The following SLC24A3 variants were observed in gnomAD, a reference collection of about 807,000 sequenced individuals.
SLC24A3 encodes sodium/potassium/calcium exchanger 3.
In SLC24A3, 28 loss-of-function variants were observed where a neutral mutation model predicts 75.8. That is an observed-to-expected ratio of 0.37 (90% CI 0.27 to 0.51). The LOEUF is 0.51. Among genes scored for constraint, SLC24A3 ranks in the 20% least tolerant of loss-of-function variants. The pLI, the probability that SLC24A3 is intolerant of heterozygous loss-of-function variation, is 0.94. For missense variants in SLC24A3, 663 were observed against 847.8 expected (o/e 0.78, Z 2.71); for synonymous variants, 372 against 334.1 (o/e 1.11, Z -1.24).
chr20:19,367,769 G>C (rs183468498), intron 2 of SLC24A3, among the ~76,000 whole-genome samples: 1 of 152,182 alleles, frequency 6.6e-6, no homozygotes, highest in Non-Finnish European at 1.5e-5. Context: ...CCCAGACAAG[G>C]TCTGGAGGAT....
intron 3 of SLC24A3, among the ~76,000 whole-genome samples, chr20:19,566,803 C>A (rs1039584997): frequency 6.6e-6 from 1 of 152,160 alleles, no homozygotes; most frequent in Non-Finnish European, 1.5e-5. Context: ...CTCCATCATG[C>A]TTGGCAGCAG....
Position 19,651,675 on chromosome 20 carries a change from C to T in SLC24A3, c.613-2387C>T, listed in dbSNP as rs185036772. On this transcript the variant is annotated intron_variant, in intron 6 of 16. Coordinates refer to ENST00000328041, the MANE Select transcript of SLC24A3 (RefSeq NM_020689.4). The stretch of plus-strand genomic sequence containing the variant: ...GAGATCGAGACCATCCTGGCTAACA[C>T]GGTGAAACCCTGTCTCTACTAAAAA... Among the ~76,000 whole-genome samples the T allele has an allele frequency of 5.6e-3, 850 of 151,840 alleles. 11 individuals carry two copies. The highest frequency in any genetic ancestry group is 0.03 in the Admixed American group (454 of 15,240).
At chr20:19,420,514 T>C (rs984355267) in intron 2 of SLC24A3, among the ~76,000 whole-genome samples, 2 of 148,048 alleles carry the variant, frequency 1.4e-5, no homozygotes, top group Non-Finnish European at 3.0e-5. Flanking sequence ...TTTTAATGAT[T>C]GCCATTCTAA....
At chr20:19,375,149 C>T (rs550087412) in intron 2 of SLC24A3, among the ~76,000 whole-genome samples, 4 of 152,212 alleles carry the variant, frequency 2.6e-5, no homozygotes, top group African/African-American at 9.6e-5. Flanking sequence ...ATCCTTGCCT[C>T]AGGGTTTGCT....
rs771708856 is a variant in SLC24A3, at chr20:19,585,537, C to T, written c.605C>T (p.Ala202Val). The change falls in exon 6 of 17, where the codon GCT (alanine) becomes GTT (valine). Residue 202 changes from alanine (A) to valine (V), a missense_variant. Around this residue, in one of 2 missense-constraint regions of SLC24A3, gnomAD observed 510 missense variants for 703.6 expected, o/e 0.72. Coordinates refer to ENST00000328041, the MANE Select transcript of SLC24A3 (RefSeq NM_020689.4). ...LCIIGVCGLF[A>V]GQVVALSSWC... ...ATCATTGGTGTCTGTGGGCTCTTTG[C>T]TGGGCAGGTAAGACTGGCGGCTTCT... is the stretch of plus-strand genomic sequence containing the variant. 6.2e-7 allele frequency: 1 copy of T among 1,613,806 alleles called. No homozygotes were observed. The highest frequency in any genetic ancestry group is 8.5e-7 in the Non-Finnish European group (1 of 1,179,904).
rs539753372 is a variant in SLC24A3 at position 19,561,977 on chromosome 20, G to A, written c.349-18023G>A. ...TTCTTCCATTCCTGTTTTGTAAGGT[G>A]CAGAAGAGAACTGCCAAAACTCAAA... On this transcript the variant is annotated intron_variant, in intron 3 of 16. Transcript: ENST00000328041. 1.4e-4 allele frequency among the ~76,000 whole-genome samples: 21 copies of A among 152,272 alleles called. No homozygotes were observed. The East Asian group carries it at 4.1e-3, about 29-fold the overall frequency.
At chr20:19,712,432 C>T (rs1003869056) in intron 15 of SLC24A3, among the ~76,000 whole-genome samples, 9 of 151,986 alleles carry the variant, frequency 5.9e-5, no homozygotes, top group African/African-American at 1.9e-4. Flanking sequence ...ACCATAGGGA[C>T]AATAGTGAAC....
chr20:19,269,576 T>C lies in SLC24A3; in HGVS notation c.143-11383T>C, dbSNP rs145722300. On this transcript the variant is annotated intron_variant, in intron 1 of 16. Transcript: ENST00000328041. ...TGTTGCCATCTGCCCCCCTTTGCTC[T>C]TCCCTTTCCCCTTCTTTCCAGCACC... 4.5e-3 allele frequency among the ~76,000 whole-genome samples: 679 copies of C among 152,382 alleles called. 12 individuals are homozygous for C. In the South Asian group the frequency reaches 0.061, roughly 14 times the overall value.
At chr20:19,229,535 T>C (rs1981958017) in intron 1 of SLC24A3, among the ~76,000 whole-genome samples, 1 of 152,166 alleles carries the variant, frequency 6.6e-6, no homozygotes, top group African/African-American at 2.4e-5. Flanking sequence ...CAAATAGTCT[T>C]GTAATTATAG....
chr20:19,572,824 T>C (rs2031074309), intron 3 of SLC24A3, among the ~76,000 whole-genome samples: 2 of 152,136 alleles, frequency 1.3e-5, no homozygotes, highest in Non-Finnish European at 2.9e-5. Context: ...AGCAGACCCA[T>C]GGTCAGTTCC....
intron 9 of SLC24A3, among the ~76,000 whole-genome samples, chr20:19,676,852 GA>G (rs923310988): frequency 2.6e-5 from 4 of 152,174 alleles, no homozygotes; most frequent in African/African-American, 9.7e-5. Flanking sequence ...TGGTGGTTAA[GA>G]ACCAGTGCCT....
At chr20:19,424,118 C>T (rs2122440851) in intron 2 of SLC24A3, among the ~76,000 whole-genome samples, 1 of 152,140 alleles carries the variant, frequency 6.6e-6, no homozygotes, top group Non-Finnish European at 1.5e-5. Context: ...GCAAGGGAGG[C>T]CAGGGGTGAC....
intron 1 of SLC24A3, among the ~76,000 whole-genome samples, chr20:19,216,515 A>G (rs1321844456): frequency 6.6e-6 from 1 of 152,166 alleles, no homozygotes; most frequent in Admixed American, 6.5e-5. Context: ...AGTCTCAGGC[A>G]GCAGGATTGT....
At chr20:19,248,979 C>A (rs1372987827) in intron 1 of SLC24A3, among the ~76,000 whole-genome samples, 2 of 150,680 alleles carry the variant, frequency 1.3e-5, no homozygotes, top group African/African-American at 4.9e-5. Flanking sequence ...TTTCCAGAGG[C>A]TGGGGAGTGG....
At chr20:19,572,884 T>G (rs1204305551) in intron 3 of SLC24A3, among the ~76,000 whole-genome samples, 1 of 152,022 alleles carries the variant, frequency 6.6e-6, no homozygotes, top group East Asian at 1.9e-4. Context: ...TCAGGGAAAA[T>G]AAATTTAAAA....
chr20:19,469,570 A>C (rs1418894072), intron 2 of SLC24A3, among the ~76,000 whole-genome samples: 1 of 152,122 alleles, frequency 6.6e-6, no homozygotes, highest in Admixed American at 6.5e-5. Flanking sequence ...CCTTCATCTG[A>C]GGACATCCAG....
At chr20:19,422,232 C>G (rs191281611) in intron 2 of SLC24A3, among the ~76,000 whole-genome samples, 2 of 152,256 alleles carry the variant, frequency 1.3e-5, no homozygotes, top group Admixed American at 6.5e-5. Context: ...CAGAACCAGA[C>G]CATCTTGGCC....
chr20:19,708,007 C>A (rs776815416), intron 15 of SLC24A3, among the ~76,000 whole-genome samples: 3 of 128,536 alleles, frequency 2.3e-5, no homozygotes, highest in Admixed American at 7.6e-5. Flanking sequence ...TAGAACATGT[C>A]GTGATGTTGG....
At chr20:19,232,790 G>A (rs1271950247) in intron 1 of SLC24A3, among the ~76,000 whole-genome samples, 1 of 152,184 alleles carries the variant, frequency 6.6e-6, no homozygotes, top group Non-Finnish European at 1.5e-5. Context: ...TTCTCACCTG[G>A]CATCAGGTGT....
Sources: gnomAD v4.1 joint callset for allele counts (sites outside exome capture counted in the v4.1 genomes callset) on GRCh38, gnomAD v4.1.1 for gene constraint, gnomAD v4.1.1 regional missense constraint, MANE v1.5 for transcripts, NCBI Gene and HGNC (gene_info 2026-07-23, HGNC 2026-07-21) for gene names.